PTRH1: variants seen among roughly 807,000 people sequenced by gnomAD.
The protein encoded by PTRH1 is peptidyl-tRNA hydrolase.
PTRH1 carries 13 observed loss-of-function variants against 15.7 expected under a neutral mutation model. That is an observed-to-expected ratio of 0.83 (90% confidence interval 0.54 to 1.31). The LOEUF is 1.31. Among genes scored for constraint, PTRH1 ranks in the 40% most tolerant of loss-of-function variants. The pLI is 0.00. For synonymous variants in PTRH1, 139 were observed against 136.7 expected (o/e 1.02, Z -0.12); for missense variants, 319 against 296.2 (o/e 1.08, Z -0.56).
chr9:127,702,025 G>A (rs1469337544), intron 1 of PTRH1, among the ~76,000 whole-genome samples: 18 of 151,936 alleles, frequency 1.2e-4, no homozygotes, highest in East Asian at 3.9e-4. Flanking sequence ...AGTTCGAGAC[G>A]AGCCTGGGCA....
chr9:127,695,098 A>G (rs779749359), exon 2 of PTRH1: 144 of 579,460 alleles, frequency 2.5e-4, no homozygotes, highest in African/African-American at 2.2e-3. Context: ...GATGATGGTG[A>G]TGATGATGAT....
chr9:127,699,452 C>T (rs1008545144), intron 1 of PTRH1, among the ~76,000 whole-genome samples: 5 of 152,212 alleles, frequency 3.3e-5, no homozygotes, highest in African/African-American at 1.2e-4. Context: ...TAGTAAGCGT[C>T]TACTAGCCGG....
At chr9:127,711,970 G>A (rs1049940851), downstream of PTRH1, 2 of 1,597,816 alleles carry the variant, frequency 1.3e-6, no homozygotes, top group Non-Finnish European at 1.7e-6. Flanking sequence ...GCCCACGGAG[G>A]GGCGGGCGGC....
At chr9:127,697,486 C>T (rs1842570616) in intron 1 of PTRH1, among the ~76,000 whole-genome samples, 1 of 152,098 alleles carries the variant, frequency 6.6e-6, no homozygotes, top group Admixed American at 6.5e-5. Flanking sequence ...ATGGTAAAAC[C>T]CCATCTCTAC....
chr9:127,713,653 T>C (rs1296482429), downstream of PTRH1: 4 of 506,876 alleles, frequency 7.9e-6, no homozygotes, highest in African/African-American at 5.8e-5. Context: ...ATTACAGGCA[T>C]GCACCACCAT....
At chr9:127,710,604 G>T (rs761752193), downstream of PTRH1, 5 of 1,581,248 alleles carry the variant, frequency 3.2e-6, 1 homozygote, top group South Asian at 3.5e-5. Flanking sequence ...CGGCCAGGGG[G>T]GAAGCTGGCA....
intron 1 of PTRH1, among the ~76,000 whole-genome samples, chr9:127,703,293 A>C (rs951252303): frequency 1.3e-5 from 2 of 151,944 alleles, no homozygotes; most frequent in African/African-American, 4.8e-5. Flanking sequence ...TAAAAATACA[A>C]AAATTAGCTG....
chr9:127,699,113 C>T (rs1254131356), intron 1 of PTRH1, among the ~76,000 whole-genome samples: 4 of 152,162 alleles, frequency 2.6e-5, no homozygotes, highest in Non-Finnish European at 5.9e-5. Context: ...AACTCATGAC[C>T]TCAAGTCATC....
intron 4 of PTRH1, 45 bp downstream of exon 4, chr9:127,714,334 C>A (rs369609759): frequency 1.1e-5 from 17 of 1,614,114 alleles, no homozygotes; most frequent in Non-Finnish European, 1.4e-5. Flanking sequence ...GCTGGGGGAC[C>A]CCTGGCCCAC....
At chr9:127,708,359 C>G (rs1442404487) in intron 1 of PTRH1, among the ~76,000 whole-genome samples, 1 of 152,110 alleles carries the variant, frequency 6.6e-6, no homozygotes, top group Non-Finnish European at 1.5e-5. Flanking sequence ...CGCCTGTAAT[C>G]CCAGCTACTC....
At position 127,715,061 on chromosome 9, in the gene PTRH1, G is replaced by A. The variant is rs1025954686; in HGVS notation, c.230C>T (p.Ala77Val). 3 of 1,527,486 alleles carry A rather than the reference G, an allele frequency of 2.0e-6. No homozygotes were observed. Among genetic ancestry groups the A allele is most frequent in the African/African-American group, 2.8e-5 (2 of 72,572 alleles). The allele number at this position is 1,527,486 out of a possible 1,614,324, so 94.6% of individuals were successfully genotyped here. A position where few individuals can be genotyped will look rare whatever the true frequency, so the allele number is the denominator to read the frequency against. The change falls in exon 2 of 5, where the codon GCC (alanine) becomes GTC (valine). Residue 77 changes from alanine (A) to valine (V), a missense_variant. Transcript: ENST00000543175. This position sits in a 1 kb window ranked among gnomAD's most constrained non-coding sequence, Gnocchi z 5.8. ...TTGGGCATCCCCCAGCGGGGCCAGG[G>A]CGAGGTCGGCGGCACAGTGCCGGTC... is the stretch of plus-strand genomic sequence containing the variant. Reference protein sequence around the residue: ...TRDRHCAADLALAPLGDAQLV... With the variant: ...TRDRHCAADLVLAPLGDAQLV...
chr9:127,697,036 C>T (rs1842567069), intron 1 of PTRH1, among the ~76,000 whole-genome samples: 1 of 152,112 alleles, frequency 6.6e-6, no homozygotes, highest in South Asian at 2.1e-4. Context: ...ATTGGATTTT[C>T]CTGGGCCAGT....
chr9:127,710,746 C>A, downstream of PTRH1: 2 of 1,565,430 alleles, frequency 1.3e-6, no homozygotes, highest in African/African-American at 1.4e-5. Context: ...CGGTGCTGGA[C>A]AAGGACAGGT....
downstream of PTRH1, chr9:127,711,119 A>G: frequency 1.5e-6 from 2 of 1,305,794 alleles, no homozygotes; most frequent in Non-Finnish European, 2.1e-6. Flanking sequence ...CCAGGGAGAG[A>G]GCATGCTGGT....
chr9:127,714,615 C>G lies in PTRH1; in HGVS notation c.404G>C (p.Gly135Ala). 6.2e-7 allele frequency: 1 copy of G among 1,613,974 alleles called. No homozygotes were observed. Among genetic ancestry groups the G allele is most frequent in the East Asian group, 2.2e-5 (1 of 44,868 alleles). ...KPLGRLALKLGGSARGHNGVR... is the reference protein window; with the variant it reads ...KPLGRLALKLAGSARGHNGVR... ...CTCAGGACCTCACCTGGCACTGCCC[C>G]CCAGCTTCAGAGCCAGTCTCCCCAG... is the stretch of plus-strand genomic sequence containing the variant. The change falls in exon 3 of 5, where the codon GGG becomes GCG. Residue 135 changes from glycine (G) to alanine (A), a missense_variant. Physicochemically the swap from Gly to Ala is moderately conservative, Grantham distance 60. Transcript: ENST00000543175.
At chr9:127,711,661 G>A (rs1358067028), downstream of PTRH1, among the ~76,000 whole-genome samples, 2 of 152,164 alleles carry the variant, frequency 1.3e-5, no homozygotes, top group East Asian at 1.9e-4. Context: ...GCCTAGCTCC[G>A]GATTGTATTT....
chr9:127,710,491 C>T (rs1842739685), downstream of PTRH1: 7 of 1,348,666 alleles, frequency 5.2e-6, no homozygotes, highest in South Asian at 9.8e-5. Flanking sequence ...ACTGAGACCA[C>T]ACAGGGCGCA....
downstream of PTRH1, chr9:127,712,041 G>T: frequency 6.6e-7 from 1 of 1,520,068 alleles, no homozygotes; most frequent in Non-Finnish European, 8.9e-7. Flanking sequence ...CCAGGCCAGT[G>T]ACTTCCCCTC....
chr9:127,712,254 C>T (rs763026088), downstream of PTRH1: 77 of 1,613,774 alleles, frequency 4.8e-5, no homozygotes, highest in East Asian at 1.4e-3. Flanking sequence ...GGATTTGCAG[C>T]GGCTACAGCA....
Sources: allele counts gnomAD v4.1 joint callset (sites outside exome capture counted in the v4.1 genomes callset), GRCh38; gene constraint gnomAD v4.1.1; non-coding constraint Gnocchi (gnomAD v3.1); transcripts MANE v1.5; gene names NCBI Gene and HGNC (gene_info 2026-07-23, HGNC 2026-07-21).